CDH18: variants seen among roughly 807,000 people sequenced by gnomAD.
CDH18 encodes the protein cadherin 18, also known as cadherin-18.
Under a neutral mutation model 67.9 loss-of-function variants are expected in CDH18, and 31 were observed. That is an observed-to-expected ratio of 0.46 (90% CI 0.34 to 0.62). The LOEUF is 0.62. Ranked by LOEUF, CDH18 falls within the 20% of genes least tolerant of loss-of-function variation. CDH18 has a pLI of 0.01. For missense variants in CDH18, 890 were observed against 975.5 expected, an observed-to-expected ratio of 0.91 and a Z score of 1.17; for synonymous variants, 362 against 347.2, an observed-to-expected ratio of 1.04 and a Z score of -0.48.
At chr5:20,230,167 T>C (rs1009491247) in intron 2 of CDH18, among the ~76,000 whole-genome samples, 2 of 152,168 alleles carry the variant, frequency 1.3e-5, no homozygotes, top group African/African-American at 4.8e-5. Flanking sequence ...CATTGATGTC[T>C]CTGCTAATAA....
intron 2 of CDH18, among the ~76,000 whole-genome samples, chr5:20,184,328 T>C (rs992664676): frequency 6.6e-6 from 1 of 152,124 alleles, no homozygotes; most frequent in African/African-American, 2.4e-5. Flanking sequence ...GAAATCTCCC[T>C]GGTGTGAATG....
intron 2 of CDH18, among the ~76,000 whole-genome samples, chr5:20,178,588 CTTTCT>C (rs1413592075): frequency 3.8e-4 from 57 of 148,334 alleles, no homozygotes; most frequent in African/African-American, 1.4e-3. Context: ...TTCTTTCTTT[CTTTCT>C]TTTTTTTTTT....
intron 9 of CDH18, among the ~76,000 whole-genome samples, chr5:19,543,353 C>T (rs920421012): frequency 4.6e-5 from 7 of 151,992 alleles, no homozygotes; most frequent in African/African-American, 1.7e-4. Context: ...AACTGTAGAT[C>T]ACGTATGTTA....
chr5:20,079,980 T>C (rs1448008080), intron 2 of CDH18, among the ~76,000 whole-genome samples: 1 of 152,162 alleles, frequency 6.6e-6, no homozygotes, highest in African/African-American at 2.4e-5. Flanking sequence ...ATGAGGGCTC[T>C]AGTCTCATGA....
intron 2 of CDH18, among the ~76,000 whole-genome samples, chr5:20,006,998 A>G (rs568265201): frequency 1.8e-4 from 27 of 152,088 alleles, no homozygotes; most frequent in African/African-American, 5.8e-4. Flanking sequence ...CCAAATATTG[A>G]GTTAAATTTT....
chr5:20,280,974 T>C (rs910386942), intron 1 of CDH18, among the ~76,000 whole-genome samples: 5 of 152,244 alleles, frequency 3.3e-5, no homozygotes, highest in African/African-American at 9.6e-5. Context: ...ATGAGCATTT[T>C]TTCATGTGTT....
intron 2 of CDH18, among the ~76,000 whole-genome samples, chr5:19,893,222 T>A (rs917498909): frequency 6.6e-6 from 1 of 152,222 alleles, no homozygotes; most frequent in Non-Finnish European, 1.5e-5. Flanking sequence ...GTTTGTAAGC[T>A]AGCTAATTCA....
At position 19,736,121 on chromosome 5, in the gene CDH18, T is replaced by A. The variant is rs577735371; in HGVS notation, c.523+10821A>T. ...CTTGAAATAATGGACCAGAACATTT[T>A]TATTAAGATACAACACAAGAATTCA... is the stretch of plus-strand genomic sequence containing the variant. On this transcript the variant is annotated intron_variant, in intron 4 of 12. Coordinates refer to ENST00000382275, the MANE Select transcript of CDH18 (RefSeq NM_004934.5). Among the ~76,000 whole-genome samples the A allele has an allele frequency of 2.0e-4, 30 of 152,370 alleles. 1 individual carries two copies. The highest frequency in any genetic ancestry group is 1.6e-3 in the Admixed American group (25 of 15,304).
chr5:20,006,112 G>A (rs539408040), intron 2 of CDH18, among the ~76,000 whole-genome samples: 6 of 151,858 alleles, frequency 4.0e-5, no homozygotes, highest in Non-Finnish European at 8.8e-5. Flanking sequence ...GATGGAAGGG[G>A]GTAAGTATAT....
intron 1 of CDH18, among the ~76,000 whole-genome samples, chr5:20,474,925 G>A (rs1162597721): frequency 5.3e-5 from 8 of 152,036 alleles, no homozygotes; most frequent in Middle Eastern, 3.2e-3. Context: ...TGTGCTGTCT[G>A]CTTATTTTTA....
At chr5:20,257,984 T>C (rs1353298051) in intron 1 of CDH18, among the ~76,000 whole-genome samples, 2 of 145,828 alleles carry the variant, frequency 1.4e-5, no homozygotes, top group Non-Finnish European at 1.5e-5. Flanking sequence ...TCATTTATTA[T>C]ATAGGTCAGT....
At chr5:19,489,157 C>T (rs1740870556) in intron 11 of CDH18, among the ~76,000 whole-genome samples, 1 of 151,728 alleles carries the variant, frequency 6.6e-6, no homozygotes, top group South Asian at 2.1e-4. Context: ...CTGATTCCAC[C>T]TAGTATATAG....
In CDH18 at chr5:19,686,590, T is replaced by C. The variant is rs557350641; in HGVS notation, c.643+34757A>G. On this transcript the variant is annotated intron_variant, in intron 5 of 12. Transcript: ENST00000382275. ...TTGTGTATTCAGTGGGATGCAGTTG[T>C]CTGTGTTCACCTAGTGTTTCTTATG... 2.0e-5 allele frequency among the ~76,000 whole-genome samples: 3 copies of C among 152,296 alleles called. No individual in the cohort carries two copies. The East Asian group carries it at 5.8e-4, about 29-fold the overall frequency.
At chr5:20,328,104 A>G (rs1037494995) in intron 1 of CDH18, among the ~76,000 whole-genome samples, 4 of 152,192 alleles carry the variant, frequency 2.6e-5, no homozygotes, top group Non-Finnish European at 5.9e-5. Flanking sequence ...AGCAGGAGGC[A>G]TAATGAGGGA....
chr5:20,390,912 C>T (rs2150115190), intron 1 of CDH18, among the ~76,000 whole-genome samples: 2 of 152,098 alleles, frequency 1.3e-5, no homozygotes, highest in Middle Eastern at 3.4e-3. Context: ...CATGTTCTCA[C>T]TCATAGGTGG....
At position 20,026,368 on chromosome 5, in the gene CDH18, C is replaced by T. The variant is rs116307704; in HGVS notation, c.-517-34354G>A. 7.1e-3 allele frequency among the ~76,000 whole-genome samples: 1,084 copies of T among 152,202 alleles called. 14 individuals carry two copies. Among genetic ancestry groups the T allele is most frequent in the African/African-American group, 0.025 (1,035 of 41,538 alleles). ...TATGAGAAAAATAGATAATATATTT[C>T]TCACGGAATTTCTGTGAGGTTTGCA... On this transcript the variant is annotated intron_variant, in intron 2 of 14. Coordinates refer to the CDH18 transcript ENST00000507958.
chr5:19,613,567 C>T (rs1319139696), intron 5 of CDH18, among the ~76,000 whole-genome samples: 4 of 152,154 alleles, frequency 2.6e-5, no homozygotes, highest in East Asian at 3.9e-4. Context: ...CAAAGAGGGA[C>T]GTTTAACATT....
At chr5:19,560,688 T>C (rs931554209) in intron 8 of CDH18, among the ~76,000 whole-genome samples, 22 of 152,074 alleles carry the variant, frequency 1.4e-4, no homozygotes, top group Non-Finnish European at 1.2e-4. Context: ...AAAAAGGTTC[T>C]GCACAGTAAA....
intron 3 of CDH18, among the ~76,000 whole-genome samples, chr5:19,801,122 C>G (rs376075613): frequency 6.6e-6 from 1 of 151,984 alleles, no homozygotes. Flanking sequence ...AGAACAACAA[C>G]AATGAAAATA....
Sources: allele counts gnomAD v4.1 joint callset (sites outside exome capture counted in the v4.1 genomes callset), GRCh38; gene constraint gnomAD v4.1.1; transcripts MANE v1.5; gene names NCBI Gene and HGNC (gene_info 2026-07-23, HGNC 2026-07-21).